PRH1: variants seen among roughly 807,000 people sequenced by gnomAD.
PRH1 encodes the protein proline rich protein HaeIII subfamily 1, also known as salivary acidic proline-rich phosphoprotein 1/2.
PRH1 carries 7 observed loss-of-function variants against 7.9 expected under a neutral mutation model. That is an observed-to-expected ratio of 0.89 (90% CI 0.50 to 1.67). The LOEUF is 1.67. Among genes scored for constraint, PRH1 ranks in the 40% most tolerant of loss-of-function variants. PRH1 has a pLI of 0.00. For missense variants in PRH1, 109 were observed against 223.6 expected, an observed-to-expected ratio of 0.49 and a Z score of 3.27; for synonymous variants, 45 against 80.8, an observed-to-expected ratio of 0.56 and a Z score of 2.38.
intron 2 of PRH1, among the ~76,000 whole-genome samples, chr12:10,900,200 C>T (rs1949704276): frequency 6.6e-6 from 1 of 152,060 alleles, no homozygotes; most frequent in Non-Finnish European, 1.5e-5. Flanking sequence ...AGAGAGCCTC[C>T]CTCTGTGACT....
chr12:11,061,110 G>T (rs1943579414), intron 1 of PRH1, among the ~76,000 whole-genome samples: 1 of 151,700 alleles, frequency 6.6e-6, no homozygotes, highest in Non-Finnish European at 1.5e-5. Flanking sequence ...GTATAATTTG[G>T]CAGTTTGTGT....
intron 2 of PRH1, among the ~76,000 whole-genome samples, chr12:10,941,903 C>T (rs569430311): frequency 6.6e-6 from 1 of 152,168 alleles, no homozygotes; most frequent in Non-Finnish European, 1.5e-5. Flanking sequence ...CTTTTTTGTT[C>T]CAGAGGGTGT....
In PRH1 at chr12:11,171,367, C is replaced by T. The variant is rs900342486; in HGVS notation, n.39+55G>A. ...GGCGACACCTGGCTCATGGCCCCCGCGGCGGCTCCGTCCTCCTTGGCCGTC... is the reference window on the plus strand; with the variant it reads ...GGCGACACCTGGCTCATGGCCCCCGTGGCGGCTCCGTCCTCCTTGGCCGTC... On this transcript the variant is annotated intron_variant and non_coding_transcript_variant, in intron 1 of 1. Transcript: ENST00000541175. 3 of 1,231,736 alleles carry T rather than the reference C, an allele frequency of 2.4e-6. No individual in the cohort carries two copies. In the African/African-American group the frequency reaches 4.7e-5, roughly 19 times the overall value. 76.3% of individuals were successfully genotyped at this position (1,231,736 alleles called of 1,614,324 possible). A position where few individuals can be genotyped will look rare whatever the true frequency, so the allele number is the denominator to read the frequency against.
At chr12:10,994,891 C>T (rs927825230) in intron 1 of PRH1, among the ~76,000 whole-genome samples, 3 of 152,134 alleles carry the variant, frequency 2.0e-5, no homozygotes, top group African/African-American at 7.2e-5. Flanking sequence ...GATATGTGCA[C>T]TTATACAAAA....
At chr12:10,938,952 T>C (rs16925868) in intron 2 of PRH1, 26,876 of 1,613,640 alleles carry the variant, frequency 0.017, 284 homozygotes, top group Middle Eastern at 0.033. Flanking sequence ...CAGATATTAG[T>C]AAGCATTCTG....
At chr12:10,966,878 G>A (rs1938523871) in intron 2 of PRH1, among the ~76,000 whole-genome samples, 1 of 152,188 alleles carries the variant, frequency 6.6e-6, no homozygotes, top group Non-Finnish European at 1.5e-5. Context: ...CACTTTGGGA[G>A]GCTGAGGTGG....
At chr12:10,998,704 G>C (rs1940427124) in intron 1 of PRH1, among the ~76,000 whole-genome samples, 1 of 152,030 alleles carries the variant, frequency 6.6e-6, no homozygotes, top group East Asian at 1.9e-4. Context: ...TATCTCTCAT[G>C]CTTAGGCTTT....
At chr12:11,052,859 A>G (rs552076008) in intron 1 of PRH1, among the ~76,000 whole-genome samples, 65 of 152,062 alleles carry the variant, frequency 4.3e-4, no homozygotes, top group Admixed American at 2.6e-3. Context: ...ATTATTTTCT[A>G]TAGGAAAACT....
downstream of PRH1, among the ~76,000 whole-genome samples, chr12:11,120,512 G>A (rs1235961608): frequency 1.3e-5 from 2 of 152,070 alleles, no homozygotes; most frequent in African/African-American, 2.4e-5. Flanking sequence ...TTTTACTGAC[G>A]TTTTAGTCCT....
At chr12:11,169,309 C>T (rs1021458502) in intron 1 of PRH1, among the ~76,000 whole-genome samples, 4 of 152,180 alleles carry the variant, frequency 2.6e-5, no homozygotes, top group African/African-American at 9.7e-5. Flanking sequence ...CAGATAAAAA[C>T]TACAACCACC....
At chr12:11,100,002 TAAGA>T (rs1034998240) in intron 1 of PRH1, among the ~76,000 whole-genome samples, 4 of 152,214 alleles carry the variant, frequency 2.6e-5, no homozygotes, top group Non-Finnish European at 5.9e-5. Context: ...TGCAACTAAA[TAAGA>T]AAGTTCCTAT....
At chr12:10,934,724 C>G (rs1950262107) in intron 2 of PRH1, among the ~76,000 whole-genome samples, 1 of 152,062 alleles carries the variant, frequency 6.6e-6, no homozygotes. Flanking sequence ...CCCCAGACAG[C>G]TATCTGCATT....
At chr12:11,044,088 G>C (rs756370711) in intron 1 of PRH1, among the ~76,000 whole-genome samples, 8 of 151,980 alleles carry the variant, frequency 5.3e-5, no homozygotes, top group Non-Finnish European at 1.0e-4. Context: ...CTGGCATTAA[G>C]ACAGACACAT....
intron 1 of PRH1, among the ~76,000 whole-genome samples, chr12:11,153,322 A>G (rs1198112006): frequency 4.6e-5 from 7 of 152,248 alleles, no homozygotes; most frequent in African/African-American, 1.4e-4. Flanking sequence ...TATCTCCTAT[A>G]GCAGAAGTAC....
rs891759215 is a variant in PRH1 at position 11,133,274 on chromosome 12, T to A, written n.40-12094A>T. On this transcript the variant is annotated intron_variant and non_coding_transcript_variant, in intron 1 of 1. Coordinates refer to the PRH1 transcript ENST00000541175. ...TATAAAATGTTTCATACACCACCAG[T>A]TTGTTTTCTGCTAGAAGACACACAA... The A allele has an allele frequency of 1.4e-5, 22 of 1,590,156 alleles. No individual in the cohort carries two copies. The African/African-American group carries it at 2.9e-4, about 21-fold the overall frequency.
chr12:11,029,530 T>A (rs1440832730), intron 1 of PRH1, among the ~76,000 whole-genome samples: 1 of 152,274 alleles, frequency 6.6e-6, no homozygotes, highest in Non-Finnish European at 1.5e-5. Context: ...ATTCAGGGGC[T>A]TAAAAGTGCT....
rs1257220701 is a variant in PRH1, at chr12:11,088,664, T to C, written n.124-41476A>G. On this transcript the variant is annotated intron_variant and non_coding_transcript_variant, in intron 1 of 4. Coordinates refer to the PRH1 transcript ENST00000541977. The stretch of plus-strand genomic sequence containing the variant: ...ACAACATATTCCACATTTGAGAATA[T>C]AGCTCTGACTCATTAATGAAGTTTC... Among the ~76,000 whole-genome samples the C allele has an allele frequency of 1.8e-5, 2 of 113,702 alleles. 1 individual carries two copies. The highest frequency in any genetic ancestry group is 4.1e-5 in the Non-Finnish European group (2 of 48,416). 74.6% of individuals were successfully genotyped at this position (113,702 alleles called of 152,430 possible).
intron 2 of PRH1, among the ~76,000 whole-genome samples, chr12:10,947,030 G>C (rs1415255655): frequency 6.6e-6 from 1 of 152,086 alleles, no homozygotes. Context: ...CATTTGTTGA[G>C]GATTGTTTTA....
chr12:11,168,209 GAAAGAAGAAAGAAAGAAAGA>G (rs1565724760), intron 1 of PRH1, among the ~76,000 whole-genome samples: 1 of 26,210 alleles, frequency 3.8e-5, no homozygotes, highest in African/African-American at 6.8e-5. Context: ...ACGAAAGAAA[GAAAGAAGAAAGAAAGAAAGA>G]AAGAAAGAAA....
Sources: allele counts gnomAD v4.1 joint callset (sites outside exome capture counted in the v4.1 genomes callset), GRCh38; gene constraint gnomAD v4.1.1; transcripts MANE v1.5; gene names NCBI Gene and HGNC (gene_info 2026-07-23, HGNC 2026-07-21).